The following HDAC9 variants were observed in gnomAD, a reference collection of about 807,000 sequenced individuals.
HDAC9 encodes the protein MEF-2 interacting transcription repressor (MITR) protein.
Under a neutral mutation model 139.4 loss-of-function variants are expected in HDAC9, and 41 were observed. The ratio of observed to expected loss-of-function variants is 0.29; its 90% confidence interval spans 0.23 to 0.38. The LOEUF (loss-of-function observed/expected upper bound fraction) is 0.38. HDAC9 is among the 10% of genes least tolerant of loss of function. The probability of loss-of-function intolerance (pLI) is 1.00; values close to 1 mark genes in which losing one functional copy is unlikely to be tolerated. For synonymous variants in HDAC9, 517 were observed against 476.2 expected (o/e 1.09, Z -1.12); for missense variants, 1,147 against 1,297.0 (o/e 0.88, Z 1.78).
chr7:18,198,393 C>A (rs1372089621), intron 2 of HDAC9, among the ~76,000 whole-genome samples: 1 of 152,042 alleles, frequency 6.6e-6, no homozygotes, highest in Non-Finnish European at 1.5e-5. Context: ...TATTCTATTA[C>A]AAATCTTCCA....
At chr7:18,789,683 A>C (rs1792136180) in intron 16 of HDAC9, among the ~76,000 whole-genome samples, 1 of 152,048 alleles carries the variant, frequency 6.6e-6, no homozygotes, top group Admixed American at 6.5e-5. Context: ...TACTTTCATC[A>C]TTATTGCATT....
At chr7:18,666,724 T>G (rs1794989519) in intron 12 of HDAC9, 6 of 1,286,460 alleles carry the variant, frequency 4.7e-6, no homozygotes, top group Non-Finnish European at 5.9e-6. Flanking sequence ...GAAATACCTG[T>G]TATACTAAAA....
intron 1 of HDAC9, among the ~76,000 whole-genome samples, chr7:18,328,555 G>C (rs1361697037): frequency 6.6e-6 from 1 of 151,852 alleles, no homozygotes; most frequent in Non-Finnish European, 1.5e-5. Context: ...ATAATTAGAA[G>C]ATCATGTAAT....
At chr7:18,230,650 C>A in intron 2 of HDAC9, among the ~76,000 whole-genome samples, 1 of 152,136 alleles carries the variant, frequency 6.6e-6, no homozygotes, top group Non-Finnish European at 1.5e-5. Context: ...TGCTATTTGA[C>A]TTTGATTTTA....
chr7:18,565,276 G>A (rs1349000347), intron 2 of HDAC9, among the ~76,000 whole-genome samples: 3 of 152,178 alleles, frequency 2.0e-5, no homozygotes, highest in Admixed American at 6.5e-5. Flanking sequence ...GATTACAGGC[G>A]TGAGCCACTG....
At chr7:18,308,147 A>G (rs1799055033) in intron 1 of HDAC9, among the ~76,000 whole-genome samples, 1 of 152,216 alleles carries the variant, frequency 6.6e-6, no homozygotes, top group Non-Finnish European at 1.5e-5. Flanking sequence ...TAGCTTAAAC[A>G]TTTTAATAGT....
At position 18,992,662 on chromosome 7, in the gene HDAC9, GAATTT is replaced by G. The variant is rs376601178; in HGVS notation, c.3171-3352_3171-3348del. ...AAATAAGATTTAAGAGAGAATACAA[GAATTT>G]AATTTAATACTACATCTTGTCTCAA... On this transcript the variant is annotated intron_variant, in intron 25 of 25. Coordinates refer to ENST00000686413, the MANE Select transcript of HDAC9 (RefSeq NM_178425.4). Among the ~76,000 whole-genome samples, 27 of 151,864 alleles carry G rather than the reference GAATTT, an allele frequency of 1.8e-4. No homozygotes were observed. In the East Asian group the frequency reaches 2.5e-3, roughly 14 times the overall value.
At chr7:18,920,680 T>C (rs1803625011) in intron 22 of HDAC9, among the ~76,000 whole-genome samples, 1 of 152,130 alleles carries the variant, frequency 6.6e-6, no homozygotes, top group Admixed American at 6.6e-5. Flanking sequence ...CAATACCTAA[T>C]TTATTGAGCG....
intron 2 of HDAC9, among the ~76,000 whole-genome samples, chr7:18,533,497 G>T (rs941169072): frequency 6.6e-6 from 1 of 151,880 alleles, no homozygotes; most frequent in Admixed American, 6.6e-5. Flanking sequence ...TGTATGACTG[G>T]GCATAGAACC....
chr7:18,568,594 A>G (rs1356692174), intron 2 of HDAC9, among the ~76,000 whole-genome samples: 1 of 152,198 alleles, frequency 6.6e-6, no homozygotes, highest in East Asian at 1.9e-4. Context: ...AAATACTTAG[A>G]ACTTGTTTTA....
intron 22 of HDAC9, among the ~76,000 whole-genome samples, chr7:18,917,470 T>A (rs1204785403): frequency 9.2e-6 from 1 of 109,094 alleles, no homozygotes; most frequent in Non-Finnish European, 2.3e-5. Context: ...AGTATCTGAT[T>A]GAGCAAATTC....
At chr7:18,769,811 C>A (rs1790133580) in intron 16 of HDAC9, among the ~76,000 whole-genome samples, 1 of 152,036 alleles carries the variant, frequency 6.6e-6, no homozygotes, top group African/African-American at 2.4e-5. Flanking sequence ...TCCCGGAAGG[C>A]CCCAACTTGG....
At chr7:18,569,303 A>G (rs1028516151) in intron 2 of HDAC9, among the ~76,000 whole-genome samples, 1 of 152,210 alleles carries the variant, frequency 6.6e-6, no homozygotes, top group Non-Finnish European at 1.5e-5. Context: ...TTATGTCACA[A>G]AATATTTTCC....
chr7:18,761,163 A>G (rs1298648191), intron 14 of HDAC9, among the ~76,000 whole-genome samples: 1 of 152,230 alleles, frequency 6.6e-6, no homozygotes, highest in Admixed American at 6.5e-5. Flanking sequence ...AGTTAAGGCT[A>G]ATTAACTTCG....
chr7:18,919,841 G>A lies in HDAC9; in HGVS notation c.2804-15968G>A, dbSNP rs564010776. 5.3e-5 allele frequency among the ~76,000 whole-genome samples: 8 copies of A among 152,212 alleles called. 1 individual carries two copies. In the South Asian group the frequency reaches 1.7e-3, roughly 32 times the overall value. ...TAAAAGTTGTCAAAGGCTCTCTTCTGTTCCATGGGTCTATATCTCTGTTTT... is the reference window on the plus strand; with the variant it reads ...TAAAAGTTGTCAAAGGCTCTCTTCTATTCCATGGGTCTATATCTCTGTTTT... On this transcript the variant is annotated intron_variant, in intron 22 of 25. Transcript: ENST00000686413.
intron 11 of HDAC9, among the ~76,000 whole-genome samples, chr7:18,662,514 C>T (rs975564975): frequency 1.3e-5 from 2 of 151,918 alleles, no homozygotes; most frequent in African/African-American, 2.4e-5. Context: ...ATGGAGGACA[C>T]AGTGGATAAT....
At chr7:18,581,403 A>G (rs1387915441) in intron 2 of HDAC9, among the ~76,000 whole-genome samples, 1 of 152,268 alleles carries the variant, frequency 6.6e-6, no homozygotes, top group East Asian at 1.9e-4. Context: ...AGACGCAATC[A>G]TTTCTGTTGG....
At chr7:18,640,847 A>G (rs1026348794) in intron 8 of HDAC9, among the ~76,000 whole-genome samples, 2 of 152,076 alleles carry the variant, frequency 1.3e-5, no homozygotes, top group African/African-American at 4.8e-5. Context: ...GCCCCGAGGT[A>G]GATGTCCTGG....
intron 2 of HDAC9, among the ~76,000 whole-genome samples, chr7:18,283,536 G>C (rs1439666051): frequency 6.6e-6 from 1 of 152,146 alleles, no homozygotes; most frequent in Non-Finnish European, 1.5e-5. Flanking sequence ...CAGTGGTATG[G>C]CTATTATTTG....
Sources: gnomAD v4.1 joint callset for allele counts (sites outside exome capture counted in the v4.1 genomes callset) on GRCh38, gnomAD v4.1.1 for gene constraint, MANE v1.5 for transcripts, NCBI Gene and HGNC (gene_info 2026-07-23, HGNC 2026-07-21) for gene names.